The following KLF12 variants were observed in gnomAD, a reference collection of about 807,000 sequenced individuals.
KLF12 encodes the protein Krueppel-like factor 12.
KLF12 carries 9 observed loss-of-function variants against 37.8 expected under a neutral mutation model. The observed-to-expected ratio is 0.24, with a 90% confidence interval of 0.14 to 0.42. The LOEUF is 0.42. KLF12 is among the 10% of genes least tolerant of loss of function. The probability of loss-of-function intolerance (pLI) is 1.00; values close to 1 mark genes in which losing one functional copy is unlikely to be tolerated. For missense variants in KLF12, 411 were observed against 516.0 expected (o/e 0.80, Z 1.97); for synonymous variants, 208 against 202.1 (o/e 1.03, Z -0.25).
In KLF12 at chr13:73,840,048, T is replaced by G. The variant is rs141506851; in HGVS notation, c.670+5779A>C. ...CCTCTCATCTGAACACCAACTTACT[T>G]CAGGCAGTCTTTTGTCCCCACCATT... On this transcript the variant is annotated intron_variant, in intron 4 of 7. Coordinates refer to ENST00000377669, the MANE Select transcript of KLF12 (RefSeq NM_007249.5). 1.8e-3 allele frequency among the ~76,000 whole-genome samples: 280 copies of G among 152,210 alleles called. 1 individual carries two copies. The highest frequency in any genetic ancestry group is 5.9e-3 in the African/African-American group (246 of 41,526).
intron 4 of KLF12, chr13:73,844,934 T>G (rs1462930203): frequency 6.6e-6 from 1 of 152,202 alleles, no homozygotes; most frequent in African/African-American, 2.4e-5. Flanking sequence ...ATGGGCATTC[T>G]GCATTTCTAT....
chr13:74,121,412 T>C (rs1159825466), intron 1 of KLF12, among the ~76,000 whole-genome samples: 1 of 151,946 alleles, frequency 6.6e-6, no homozygotes, highest in African/African-American at 2.4e-5. Context: ...CAGTATCAGA[T>C]GAATACATTA....
rs1873638072 is a variant in KLF12, at chr13:73,688,638, C to T, written c.*6852G>A. 1 of 152,154 alleles carries T rather than the reference C, an allele frequency of 6.6e-6. No homozygotes were observed. The highest frequency in any genetic ancestry group is 1.5e-5 in the Non-Finnish European group (1 of 68,028). The allele number at this position is 152,154 out of a possible 1,614,324, so 9.4% of individuals were successfully genotyped here. On this transcript the variant is annotated 3_prime_UTR_variant, in exon 8 of 8. Transcript: ENST00000377669. ...AAAAGTGACAAGTTCGGGGAGACAA[C>T]TGGTTGCTATTGTTTGTTTATAATG... is the stretch of plus-strand genomic sequence containing the variant.
chr13:74,211,782 G>A, the KLF12 span, among the ~76,000 whole-genome samples: 2 of 152,104 alleles, frequency 1.3e-5, no homozygotes, highest in Non-Finnish European at 2.9e-5. Context: ...TTCAGTTGAA[G>A]ATTTTTTAAC....
chr13:74,096,877 AT>A (rs891087647), intron 1 of KLF12, among the ~76,000 whole-genome samples: 9 of 152,334 alleles, frequency 5.9e-5, no homozygotes, highest in Middle Eastern at 3.4e-3. Context: ...AAAACAGTTT[AT>A]AATCTAGTTT....
the KLF12 span, among the ~76,000 whole-genome samples, chr13:74,188,594 G>A: frequency 6.6e-6 from 1 of 152,230 alleles, no homozygotes; most frequent in African/African-American, 2.4e-5. Context: ...TACCAGGTTT[G>A]AATCCTGGCT....
At chr13:74,183,610 TCCA>T in the KLF12 span, among the ~76,000 whole-genome samples, 9 of 151,570 alleles carry the variant, frequency 5.9e-5, no homozygotes, top group Non-Finnish European at 1.2e-4. Flanking sequence ...TAAAAAAAAA[TCCA>T]CCAACAGCGT....
Position 73,995,008 on chromosome 13 carries a change from C to A in KLF12, c.15G>T (p.Met5Ile). 6.2e-7 allele frequency: 1 copy of A among 1,605,250 alleles called. No homozygotes were observed. Among genetic ancestry groups the A allele is most frequent in the Non-Finnish European group, 8.5e-7 (1 of 1,173,342 alleles). ...AACCAACCTTTATTGTTTTTCTCTT[C>A]ATATGGATATTCATTCATCCATTTG... Residue 5 changes from methionine to isoleucine, a missense_variant, in exon 2 of 8, where the codon ATG becomes ATT. Met to Ile is a conservative substitution (Grantham distance 10, BLOSUM62 1). Around this residue, in one of 2 missense-constraint regions of KLF12, gnomAD observed 351 missense variants for 397.8 expected, o/e 0.88. Coordinates refer to ENST00000377669, the MANE Select transcript of KLF12 (RefSeq NM_007249.5).
At chr13:74,078,691 G>A (rs890412030) in intron 1 of KLF12, among the ~76,000 whole-genome samples, 3 of 152,134 alleles carry the variant, frequency 2.0e-5, no homozygotes, top group Non-Finnish European at 4.4e-5. Flanking sequence ...CAAAATAAAT[G>A]AAGCATAATC....
the KLF12 span, among the ~76,000 whole-genome samples, chr13:74,155,078 T>G: frequency 6.6e-6 from 1 of 152,220 alleles, no homozygotes; most frequent in Admixed American, 6.5e-5. Flanking sequence ...ATTTGCTCAG[T>G]GTACTTCATA....
chr13:74,042,971 G>C (rs1322337035), intron 1 of KLF12, among the ~76,000 whole-genome samples: 2 of 152,154 alleles, frequency 1.3e-5, no homozygotes, highest in Non-Finnish European at 2.9e-5. Flanking sequence ...AAGTAGCAAA[G>C]TTTAGTGGGG....
upstream of KLF12, among the ~76,000 whole-genome samples, chr13:74,137,879 G>T (rs1161645574): frequency 2.0e-5 from 3 of 152,188 alleles, no homozygotes; most frequent in Non-Finnish European, 4.4e-5. Flanking sequence ...TCCTGCCTCA[G>T]ACTCACAAGT....
chr13:73,952,575 A>G (rs1180716402), intron 2 of KLF12, among the ~76,000 whole-genome samples: 1 of 152,204 alleles, frequency 6.6e-6, no homozygotes, highest in African/African-American at 2.4e-5. Context: ...AGCCATATCA[A>G]GCTTCTTATA....
chr13:73,730,081 T>C (rs551968372), intron 6 of KLF12, among the ~76,000 whole-genome samples: 7 of 152,214 alleles, frequency 4.6e-5, no homozygotes, highest in Admixed American at 1.3e-4. Context: ...AAAAACTACA[T>C]AAACCCATCT....
At chr13:74,254,459 A>G in the KLF12 span, among the ~76,000 whole-genome samples, 1 of 152,188 alleles carries the variant, frequency 6.6e-6, no homozygotes, top group South Asian at 2.1e-4. Flanking sequence ...TAATTCTGAG[A>G]ACAACCCAAT....
At chr13:74,198,299 G>C in the KLF12 span, among the ~76,000 whole-genome samples, 134 of 152,220 alleles carry the variant, frequency 8.8e-4, no homozygotes, top group African/African-American at 3.1e-3. Flanking sequence ...GGCTTTCAAA[G>C]GCTGTTAGAA....
rs185935512 is a variant in KLF12, at chr13:74,044,807, T to C, written c.-31-49754A>G. 2.5e-3 allele frequency among the ~76,000 whole-genome samples: 374 copies of C among 150,514 alleles called. 4 individuals are homozygous for C. The highest frequency in any genetic ancestry group is 4.8e-3 in the Admixed American group (72 of 15,038). On this transcript the variant is annotated intron_variant, in intron 1 of 7. Coordinates refer to ENST00000377669, the MANE Select transcript of KLF12 (RefSeq NM_007249.5). The stretch of plus-strand genomic sequence containing the variant: ...TTGCGGTAAGCCAAGATCACGCCAC[T>C]GCACTCCAGCCTGGGTGACAAAGTG...
chr13:74,244,907 G>A, the KLF12 span, among the ~76,000 whole-genome samples: 1 of 152,190 alleles, frequency 6.6e-6, no homozygotes, highest in Non-Finnish European at 1.5e-5. Context: ...GGAACCACTG[G>A]TGGATTTTAA....
chr13:74,003,784 G>C (rs766308076), intron 1 of KLF12, among the ~76,000 whole-genome samples: 11 of 152,090 alleles, frequency 7.2e-5, no homozygotes, highest in Non-Finnish European at 1.5e-4. Flanking sequence ...TGAAAATACA[G>C]ACAGAAGATA....
Sources: allele counts gnomAD v4.1 joint callset (sites outside exome capture counted in the v4.1 genomes callset), GRCh38; gene constraint gnomAD v4.1.1; regional missense constraint gnomAD v4.1.1; transcripts MANE v1.5; gene names NCBI Gene and HGNC (gene_info 2026-07-23, HGNC 2026-07-21).